B3GALT1: variants seen among roughly 807,000 people sequenced by gnomAD.
B3GALT1 encodes beta-1,3-galactosyltransferase 1.
B3GALT1 carries 10 observed loss-of-function variants against 23.2 expected under a neutral mutation model. The observed-to-expected ratio is 0.43, with a 90% CI of 0.27 to 0.73. B3GALT1 has a LOEUF of 0.73. B3GALT1 is among the 30% of genes least tolerant of loss of function. The pLI is 0.21. For synonymous variants in B3GALT1, 156 were observed against 141.5 expected (o/e 1.10, Z -0.73); for missense variants, 299 against 405.4 (o/e 0.74, Z 2.25).
chr2:167,400,355 T>C (rs1316875542), intron 1 of B3GALT1, among the ~76,000 whole-genome samples: 1 of 152,136 alleles, frequency 6.6e-6, no homozygotes, highest in Non-Finnish European at 1.5e-5. Flanking sequence ...GTCTTCCTTT[T>C]CCTAAAATCT....
At chr2:167,610,299 C>T (rs1043194072) in intron 2 of B3GALT1, among the ~76,000 whole-genome samples, 4 of 152,020 alleles carry the variant, frequency 2.6e-5, no homozygotes, top group Non-Finnish European at 4.4e-5. Context: ...GAAATTTAAC[C>T]GTGCTTAAAA....
chr2:167,845,192 T>C (rs1464280881), intron 4 of B3GALT1, among the ~76,000 whole-genome samples: 1 of 152,074 alleles, frequency 6.6e-6, no homozygotes, highest in Non-Finnish European at 1.5e-5. Context: ...CATATAATCT[T>C]GGGAGTTCTA....
chr2:167,860,375 C>G (rs1690074690), intron 4 of B3GALT1, among the ~76,000 whole-genome samples: 1 of 152,152 alleles, frequency 6.6e-6, no homozygotes, highest in African/African-American at 2.4e-5. Flanking sequence ...CTCTCTGTCT[C>G]TCTCGTGTGC....
chr2:167,623,081 G>A (rs975833307), intron 2 of B3GALT1, among the ~76,000 whole-genome samples: 3 of 152,070 alleles, frequency 2.0e-5, no homozygotes, highest in African/African-American at 7.2e-5. Context: ...ACCATCTCAC[G>A]CCAGTTAGAA....
chr2:167,619,877 A>G (rs528275644), intron 2 of B3GALT1, among the ~76,000 whole-genome samples: 1 of 152,244 alleles, frequency 6.6e-6, no homozygotes, highest in East Asian at 1.9e-4. Context: ...ATAGGTATGC[A>G]CTGGTAATCA....
intron 3 of B3GALT1, among the ~76,000 whole-genome samples, chr2:167,734,598 G>A (rs1433053049): frequency 1.3e-5 from 2 of 152,072 alleles, no homozygotes; most frequent in African/African-American, 4.8e-5. Flanking sequence ...TGTGCAGGTA[G>A]TCCCAACAGC....
intron 4 of B3GALT1, among the ~76,000 whole-genome samples, chr2:167,824,756 G>T (rs1163461924): frequency 6.6e-6 from 1 of 152,190 alleles, no homozygotes; most frequent in Non-Finnish European, 1.5e-5. Context: ...GTTAGGAATG[G>T]CTCCAGGTCT....
chr2:167,421,775 A>C (rs928979836), intron 1 of B3GALT1, among the ~76,000 whole-genome samples: 1 of 152,194 alleles, frequency 6.6e-6, no homozygotes, highest in Non-Finnish European at 1.5e-5. Flanking sequence ...TGGCTCATCA[A>C]CCTCTGCTAT....
At chr2:167,714,520 C>T (rs1687113663) in intron 3 of B3GALT1, 1 of 1,612,068 alleles carries the variant, frequency 6.2e-7, no homozygotes, top group African/African-American at 1.3e-5. Flanking sequence ...ATGGCGAACG[C>T]TCTCTGCCAA....
At chr2:167,704,672 G>A (rs1405090742) in intron 3 of B3GALT1, among the ~76,000 whole-genome samples, 1 of 152,164 alleles carries the variant, frequency 6.6e-6, no homozygotes, top group African/African-American at 2.4e-5. Flanking sequence ...GAGATCAGTG[G>A]TACATTAGTT....
intron 2 of B3GALT1, among the ~76,000 whole-genome samples, chr2:167,537,018 A>C (rs1348169920): frequency 6.6e-6 from 1 of 152,144 alleles, no homozygotes; most frequent in Non-Finnish European, 1.5e-5. Context: ...TCTGAAGCCT[A>C]ACATGGTGAT....
chr2:167,579,430 G>GTATTTT (rs1553469287), intron 2 of B3GALT1, among the ~76,000 whole-genome samples: 1 of 63,630 alleles, frequency 1.6e-5, no homozygotes. Context: ...GTTTTTTTTT[G>GTATTTT]TCTTTTTTTT....
chr2:167,468,118 C>G (rs1699374274), intron 1 of B3GALT1, among the ~76,000 whole-genome samples: 1 of 151,998 alleles, frequency 6.6e-6, no homozygotes, highest in Admixed American at 6.6e-5. Flanking sequence ...TGGAGTGATA[C>G]CAATTTTGGA....
chr2:167,731,710 G>A (rs560483188), intron 3 of B3GALT1, among the ~76,000 whole-genome samples: 2 of 145,860 alleles, frequency 1.4e-5, no homozygotes, highest in Middle Eastern at 3.6e-3. Flanking sequence ...CATTTACATG[G>A]CATAATTTAA....
chr2:167,337,626 G>A (rs909552826), intron 1 of B3GALT1, among the ~76,000 whole-genome samples: 1 of 151,668 alleles, frequency 6.6e-6, no homozygotes, highest in African/African-American at 2.4e-5. Flanking sequence ...TTAGTTTCAA[G>A]TGTCTTTTCC....
At chr2:167,800,496 A>T (rs1331586942) in intron 3 of B3GALT1, among the ~76,000 whole-genome samples, 1 of 152,204 alleles carries the variant, frequency 6.6e-6, no homozygotes, top group Non-Finnish European at 1.5e-5. Flanking sequence ...AATCAAATAA[A>T]GCATAAAGAT....
At chr2:167,686,186 T>G (rs1686614312) in intron 3 of B3GALT1, among the ~76,000 whole-genome samples, 1 of 152,206 alleles carries the variant, frequency 6.6e-6, no homozygotes, top group Non-Finnish European at 1.5e-5. Context: ...TAATAAAATC[T>G]TTTAATACTT....
At chr2:167,693,887 T>C (rs1686752579) in intron 3 of B3GALT1, among the ~76,000 whole-genome samples, 1 of 152,122 alleles carries the variant, frequency 6.6e-6, no homozygotes, top group East Asian at 1.9e-4. Context: ...CTTAACACAA[T>C]TTATTACTTC....
At chr2:167,584,596 G>A (rs1684554103) in intron 2 of B3GALT1, among the ~76,000 whole-genome samples, 1 of 152,142 alleles carries the variant, frequency 6.6e-6, no homozygotes, top group Non-Finnish European at 1.5e-5. Context: ...CCCCAAGACT[G>A]CCCACCACTT....
Sources: allele counts gnomAD v4.1 joint callset (sites outside exome capture counted in the v4.1 genomes callset), GRCh38; gene constraint gnomAD v4.1.1; transcripts MANE v1.5; gene names NCBI Gene and HGNC (gene_info 2026-07-23, HGNC 2026-07-21).